The following SPAG9 variants were observed in gnomAD, a reference collection of about 807,000 sequenced individuals.
SPAG9 encodes the protein sperm associated antigen 9.
Under a neutral mutation model 166.5 loss-of-function variants are expected in SPAG9, and 35 were observed. That is an observed-to-expected ratio of 0.21 (90% CI 0.16 to 0.28). The LOEUF is 0.28. Among genes scored for constraint, SPAG9 ranks in the 10% least tolerant of loss-of-function variants. SPAG9 has a pLI of 1.00. For synonymous variants in SPAG9, 534 were observed against 565.5 expected (o/e 0.94, Z 0.79); for missense variants, 1,235 against 1,603.3 (o/e 0.77, Z 3.92).
intron 1 of SPAG9, among the ~76,000 whole-genome samples, chr17:51,094,957 A>C (rs1202664563): frequency 6.6e-6 from 1 of 152,228 alleles, no homozygotes; most frequent in African/African-American, 2.4e-5. Flanking sequence ...AATGTAAAAC[A>C]TGCTCAAGCA....
At position 51,004,222 on chromosome 17, in the gene SPAG9, C is replaced by T. The variant is rs573310339; in HGVS notation, c.1476+990G>A. On this transcript the variant is annotated intron_variant, in intron 12 of 29. Transcript: ENST00000262013. ...CAGCTTTCTCTGCAGGGGAGGAACA[C>T]AGAATAGTTCAATGTCTAGTAATGT... 3.9e-5 allele frequency among the ~76,000 whole-genome samples: 6 copies of T among 152,214 alleles called. No individual in the cohort carries two copies. The East Asian group carries it at 1.2e-3, about 29-fold the overall frequency.
At chr17:51,003,210 A>T (rs2045040276) in intron 12 of SPAG9, among the ~76,000 whole-genome samples, 1 of 152,084 alleles carries the variant, frequency 6.6e-6, no homozygotes, top group South Asian at 2.1e-4. Flanking sequence ...GTACTCCTCC[A>T]GCCTGGAGGA....
chr17:51,072,956 C>T (rs2047864524), intron 2 of SPAG9, among the ~76,000 whole-genome samples: 1 of 152,026 alleles, frequency 6.6e-6, no homozygotes, highest in Admixed American at 6.6e-5. Flanking sequence ...TGAGAGAGAT[C>T]AAAGCAAGCA....
intron 5 of SPAG9, among the ~76,000 whole-genome samples, chr17:51,037,739 A>G (rs985525289): frequency 1.4e-5 from 2 of 138,258 alleles, no homozygotes; most frequent in African/African-American, 5.2e-5. Flanking sequence ...TTTTTTTAAA[A>G]AAAGGAAAAA....
At position 51,074,916 on chromosome 17, in the gene SPAG9, G is replaced by A. The variant is rs1401098828; in HGVS notation, c.424+4668C>T. 3.3e-5 allele frequency among the ~76,000 whole-genome samples: 5 copies of A among 151,962 alleles called. No individual in the cohort carries two copies. In the East Asian group the frequency reaches 9.7e-4, roughly 29 times the overall value. ...CTTCCCTTAATTAAGAAACCACTAG[G>A]CCAGGCACAGTGGTTCATGCCTGTA... On this transcript the variant is annotated intron_variant, in intron 2 of 29. Transcript: ENST00000262013.
intron 5 of SPAG9, among the ~76,000 whole-genome samples, chr17:51,038,698 C>T (rs2046715883): frequency 6.6e-6 from 1 of 152,120 alleles, no homozygotes; most frequent in Non-Finnish European, 1.5e-5. Context: ...TTTCCATGCA[C>T]CTGCACATCC....
At chr17:51,044,811 T>A (rs528638195) in intron 4 of SPAG9, among the ~76,000 whole-genome samples, 20 of 152,352 alleles carry the variant, frequency 1.3e-4, no homozygotes, top group African/African-American at 4.8e-4. Context: ...AACTTCCTAC[T>A]TGGAACTACC....
rs3075108 is a variant in SPAG9 at position 51,007,110 on chromosome 17, GGTGTGTGTGTGT to G, written c.1271+147_1271+158del. Among the ~76,000 whole-genome samples the G allele has an allele frequency of 4.1e-3, 605 of 145,986 alleles. 1 individual carries two copies. Among genetic ancestry groups the G allele is most frequent in the South Asian group, 8.2e-3 (37 of 4,520 alleles). On this transcript the variant is annotated intron_variant, in intron 10 of 29. Transcript: ENST00000262013. ...AGGGCAGTGTAGGTCCCAACATTAG[GGTGTGTGTGTGT>G]GTGTGTGTGTGTGTGTGCACACTCA...
At chr17:50,967,779 A>C (rs1973470380) in intron 29 of SPAG9, among the ~76,000 whole-genome samples, 1 of 152,196 alleles carries the variant, frequency 6.6e-6, no homozygotes, top group Non-Finnish European at 1.5e-5. Flanking sequence ...ATATTACAGG[A>C]AATGAAAAAG....
intron 13 of SPAG9, among the ~76,000 whole-genome samples, chr17:51,000,603 C>T (rs931727810): frequency 5.3e-5 from 8 of 151,956 alleles, no homozygotes; most frequent in South Asian, 2.1e-4. Context: ...GGCATGGTAG[C>T]GCACACCTGG....
intron 2 of SPAG9, among the ~76,000 whole-genome samples, chr17:51,063,954 AAAAT>A (rs1319599384): frequency 1.3e-5 from 2 of 152,220 alleles, no homozygotes; most frequent in African/African-American, 4.8e-5. Flanking sequence ...TTAAAAAAAT[AAAAT>A]AAAAGCAGAC....
chr17:51,105,127 A>C (rs1417804971), intron 1 of SPAG9, among the ~76,000 whole-genome samples: 1 of 151,976 alleles, frequency 6.6e-6, no homozygotes, highest in East Asian at 1.9e-4. Context: ...TAAATAAATA[A>C]ATAAAATCTG....
intron 1 of SPAG9, among the ~76,000 whole-genome samples, chr17:51,098,166 GT>G (rs375879566): frequency 0.02 from 3,031 of 148,932 alleles, 56 homozygotes; most frequent in Non-Finnish European, 0.033. Flanking sequence ...TGTTATGTGT[GT>G]TTTTTTTTTC....
chr17:51,112,784 C>T (rs770579902), intron 1 of SPAG9, among the ~76,000 whole-genome samples: 8 of 149,112 alleles, frequency 5.4e-5, no homozygotes, highest in Non-Finnish European at 1.0e-4. Context: ...GTTCAGCTTG[C>T]ATAACATAAC....
intron 6 of SPAG9, among the ~76,000 whole-genome samples, chr17:51,025,281 A>C (rs2046111335): frequency 7.6e-6 from 1 of 132,240 alleles, no homozygotes. Flanking sequence ...TTGTGCCACC[A>C]CACTCCAGTC....
At chr17:51,086,638 G>A (rs2048315104) in intron 1 of SPAG9, among the ~76,000 whole-genome samples, 1 of 151,622 alleles carries the variant, frequency 6.6e-6, no homozygotes, top group Non-Finnish European at 1.5e-5. Flanking sequence ...GGGCAATGGA[G>A]CAAGACTCTG....
At chr17:51,078,156 G>GA (rs2048068277) in intron 2 of SPAG9, among the ~76,000 whole-genome samples, 1 of 152,074 alleles carries the variant, frequency 6.6e-6, no homozygotes, top group African/African-American at 2.4e-5. Flanking sequence ...GGTAACAAAG[G>GA]TATCCAACAA....
chr17:51,002,101 G>T (rs917396389), intron 12 of SPAG9, among the ~76,000 whole-genome samples: 12 of 152,172 alleles, frequency 7.9e-5, no homozygotes, highest in Non-Finnish European at 1.3e-4. Flanking sequence ...CTGCAGCCTG[G>T]AACTTCTGGG....
At chr17:51,028,693 C>A (rs371219650) in intron 6 of SPAG9, among the ~76,000 whole-genome samples, 1 of 152,108 alleles carries the variant, frequency 6.6e-6, no homozygotes, top group Admixed American at 6.6e-5. Context: ...TGTTGTTAAG[C>A]GACACATGAC....
Sources: allele counts gnomAD v4.1 joint callset (sites outside exome capture counted in the v4.1 genomes callset), GRCh38; gene constraint gnomAD v4.1.1; transcripts MANE v1.5; gene names NCBI Gene and HGNC (gene_info 2026-07-23, HGNC 2026-07-21).